ANKS1B: variants seen among roughly 807,000 people sequenced by gnomAD.
The protein encoded by ANKS1B is ankyrin repeat and sterile alpha motif domain containing 1B.
In ANKS1B, 36 loss-of-function variants were observed where a neutral mutation model predicts 148.3. The ratio of observed to expected loss-of-function variants is 0.24; its 90% CI spans 0.19 to 0.32. The LOEUF (loss-of-function observed/expected upper bound fraction) is 0.32. Ranked by LOEUF, ANKS1B falls within the 10% of genes least tolerant of loss-of-function variation. ANKS1B has a pLI of 1.00. For missense variants in ANKS1B, 1,157 were observed against 1,542.6 expected (o/e 0.75, Z 4.19); for synonymous variants, 542 against 560.8 (o/e 0.97, Z 0.47).
At chr12:99,027,690 G>C (rs1038634639) in intron 17 of ANKS1B, among the ~76,000 whole-genome samples, 10 of 152,240 alleles carry the variant, frequency 6.6e-5, no homozygotes, top group Admixed American at 5.9e-4. Flanking sequence ...CCAGTGCAAA[G>C]GGCACAGAGA....
chr12:99,827,108 G>C (rs894962174), intron 1 of ANKS1B, among the ~76,000 whole-genome samples: 2 of 151,828 alleles, frequency 1.3e-5, no homozygotes, highest in Admixed American at 6.6e-5. Flanking sequence ...AACAGAGCAA[G>C]ACCCTGCCAC....
intron 8 of ANKS1B, among the ~76,000 whole-genome samples, chr12:99,687,706 C>T (rs555398240): frequency 3.9e-5 from 6 of 152,128 alleles, no homozygotes; most frequent in Admixed American, 2.6e-4. Context: ...TCTCCTCATG[C>T]TCATGTATCC....
At chr12:99,568,370 T>C (rs2097419433) in intron 9 of ANKS1B, among the ~76,000 whole-genome samples, 1 of 152,216 alleles carries the variant, frequency 6.6e-6, no homozygotes, top group Non-Finnish European at 1.5e-5. Context: ...CTACCTTGAT[T>C]ACCCAAGATA....
chr12:99,693,328 G>T (rs754076828), intron 8 of ANKS1B, among the ~76,000 whole-genome samples: 1 of 152,102 alleles, frequency 6.6e-6, no homozygotes, highest in African/African-American at 2.4e-5. Context: ...TGGTTGTGAT[G>T]GACTGCCCAT....
At chr12:99,959,098 C>T (rs1031436375) in intron 1 of ANKS1B, among the ~76,000 whole-genome samples, 8 of 148,834 alleles carry the variant, frequency 5.4e-5, no homozygotes, top group African/African-American at 2.0e-4. Context: ...CTCTGTTGCC[C>T]AGGCTAGAGT....
intron 8 of ANKS1B, among the ~76,000 whole-genome samples, chr12:99,759,496 C>G (rs1052650288): frequency 6.6e-6 from 1 of 151,982 alleles, no homozygotes; most frequent in Admixed American, 6.6e-5. Context: ...GTCTACTATT[C>G]CATCAGAATT....
chr12:99,331,898 G>GA (rs2087633994), intron 12 of ANKS1B, among the ~76,000 whole-genome samples: 2 of 151,968 alleles, frequency 1.3e-5, no homozygotes, highest in South Asian at 4.1e-4. Context: ...TGAATAGAGG[G>GA]AAAACCTGAC....
chr12:99,509,177 G>A (rs1398711837), intron 9 of ANKS1B, among the ~76,000 whole-genome samples: 2 of 151,572 alleles, frequency 1.3e-5, no homozygotes, highest in African/African-American at 2.4e-5. Context: ...TCTTCTCCTT[G>A]GGCCTCCCTA....
At chr12:98,900,251 G>A (rs895656325) in intron 17 of ANKS1B, among the ~76,000 whole-genome samples, 5 of 152,244 alleles carry the variant, frequency 3.3e-5, no homozygotes, top group South Asian at 2.1e-4. Flanking sequence ...CTTGATAACT[G>A]CCTTGAGATT....
In ANKS1B at chr12:98,905,665, G is replaced by A. The variant is rs1023618274; in HGVS notation, c.2779-73529C>T. Among the ~76,000 whole-genome samples, 53 of 152,054 alleles carry A rather than the reference G, an allele frequency of 3.5e-4. 1 individual carries two copies. Among genetic ancestry groups the A allele is most frequent in the African/African-American group, 2.9e-4 (12 of 41,400 alleles). On this transcript the variant is annotated intron_variant, in intron 17 of 26. Transcript: ENST00000683438. ...TGCACACCTGTAGTCCCAGCTGTCC[G>A]GGAGGGTGAGGCAAGAGGATCACTT...
Position 98,798,972 on chromosome 12 carries a change from C to A in ANKS1B, c.3304G>T (p.Gly1102Trp). ...LGSMLIKELRGTESTQDACAK... is the reference protein window; with the variant it reads ...LGSMLIKELRWTESTQDACAK... ...CAAGCATCTTGGGTTGATTCTGTCC[C>A]CCTAAGCTCTTTTATCAGCATAGAA... Residue 1102 changes from glycine to tryptophan, a missense_variant, in exon 22 of 27, where the codon GGG (glycine) becomes TGG (tryptophan). By Grantham distance (184) the Gly-to-Trp change is radical. Around this residue, in one of 6 missense-constraint regions of ANKS1B, gnomAD observed 258 missense variants for 497.0 expected, o/e 0.52. Coordinates refer to ENST00000683438, the MANE Select transcript of ANKS1B (RefSeq NM_001352186.2). 6.2e-7 allele frequency: 1 copy of A among 1,609,048 alleles called. No homozygotes were observed. The highest frequency in any genetic ancestry group is 2.2e-5 in the East Asian group (1 of 44,640).
At chr12:98,755,120 C>T (rs145099177) in intron 25 of ANKS1B, among the ~76,000 whole-genome samples, 167 of 152,010 alleles carry the variant, frequency 1.1e-3, no homozygotes, top group Non-Finnish European at 1.9e-3. Flanking sequence ...AGGGCCCTTT[C>T]GGGGAAACAG....
intron 9 of ANKS1B, among the ~76,000 whole-genome samples, chr12:99,565,672 T>C (rs761082786): frequency 6.6e-6 from 1 of 152,164 alleles, no homozygotes; most frequent in African/African-American, 2.4e-5. Flanking sequence ...TGTAGCTTAG[T>C]GGTTTTATCA....
At chr12:98,971,682 T>C (rs975717182) in intron 17 of ANKS1B, among the ~76,000 whole-genome samples, 3 of 152,138 alleles carry the variant, frequency 2.0e-5, no homozygotes, top group African/African-American at 7.2e-5. Flanking sequence ...TGCTTTTAAA[T>C]ATAGAGGGCT....
At chr12:99,517,323 C>T (rs544736365) in intron 9 of ANKS1B, among the ~76,000 whole-genome samples, 7 of 151,966 alleles carry the variant, frequency 4.6e-5, no homozygotes, top group Non-Finnish European at 1.0e-4. Flanking sequence ...TCACTGTTGG[C>T]ATATAGAAAT....
intron 1 of ANKS1B, among the ~76,000 whole-genome samples, chr12:99,872,248 A>ATGTG: frequency 2.0e-5 from 3 of 151,954 alleles, no homozygotes; most frequent in Non-Finnish European, 4.4e-5. Context: ...ATGTGTATGT[A>ATGTG]TGTGCATGTG....
At chr12:99,959,443 T>A (rs1290184128) in intron 1 of ANKS1B, among the ~76,000 whole-genome samples, 1 of 151,968 alleles carries the variant, frequency 6.6e-6, no homozygotes, top group Non-Finnish European at 1.5e-5. Flanking sequence ...GTGAAAAGAT[T>A]ACAAATTAAA....
At chr12:99,943,115 T>C (rs945983183) in intron 1 of ANKS1B, among the ~76,000 whole-genome samples, 1 of 152,132 alleles carries the variant, frequency 6.6e-6, no homozygotes, top group South Asian at 2.1e-4. Flanking sequence ...GAAGGCAACA[T>C]AGAGGAGGAT....
chr12:99,254,640 T>C (rs2075043352), intron 12 of ANKS1B, among the ~76,000 whole-genome samples: 1 of 152,180 alleles, frequency 6.6e-6, no homozygotes, highest in Admixed American at 6.5e-5. Context: ...TTAAAAATAA[T>C]GTTTGCTCTA....
Sources: allele counts gnomAD v4.1 joint callset (sites outside exome capture counted in the v4.1 genomes callset), GRCh38; gene constraint gnomAD v4.1.1; regional missense constraint gnomAD v4.1.1; transcripts MANE v1.5; gene names NCBI Gene and HGNC (gene_info 2026-07-23, HGNC 2026-07-21).